The following CRY1 variants were observed in gnomAD, a reference collection of about 807,000 sequenced individuals.
The protein encoded by CRY1 is cryptochrome-1.
CRY1 carries 45 observed loss-of-function variants against 76.0 expected under a neutral mutation model. That is an observed-to-expected ratio of 0.59 (90% CI 0.47 to 0.76). The LOEUF (loss-of-function observed/expected upper bound fraction) is 0.76, where lower values mean the gene tolerates loss of function less well. Ranked by LOEUF, CRY1 falls within the 30% of genes least tolerant of loss-of-function variation. The pLI is 0.00. For synonymous variants in CRY1, 248 were observed against 244.0 expected (o/e 1.02, Z -0.15); for missense variants, 587 against 716.4 (o/e 0.82, Z 2.06).
intron 12 of CRY1, 194 bp from the exon 13 acceptor site, chr12:106,992,195 C>A (rs1286082230): frequency 6.6e-6 from 1 of 152,050 alleles, no homozygotes; most frequent in Non-Finnish European, 1.5e-5. Context: ...TAAAAACTGG[C>A]AAATCCAACG....
Position 107,092,983 on chromosome 12 carries a change from T to G in CRY1, c.-22A>C, listed in dbSNP as rs768586493. ...CCATGCCGGGGGGCGCGGCGGGTCC[T>G]CCACGGAGAAATTCAAGGAAGGAGG... On this transcript the variant is annotated 5_prime_UTR_variant, in exon 1 of 13. Coordinates refer to ENST00000008527, the MANE Select transcript of CRY1 (RefSeq NM_004075.5). 5.3e-6 allele frequency: 8 copies of G among 1,513,130 alleles called. No individual in the cohort carries two copies. In the East Asian group the frequency reaches 1.6e-4, roughly 31 times the overall value. The allele number at this position is 1,513,130 out of a possible 1,614,324, so 93.7% of individuals were successfully genotyped here.
chr12:106,999,904 T>A (rs781180225), intron 6 of CRY1, 38 bp downstream of exon 6: 65 of 1,587,240 alleles, frequency 4.1e-5, no homozygotes, highest in East Asian at 8.9e-5. Flanking sequence ...AATTTTTTTT[T>A]AAAGTATTAA....
At chr12:107,019,092 AG>A (rs147301393) in intron 2 of CRY1, among the ~76,000 whole-genome samples, 1,894 of 152,326 alleles carry the variant, frequency 0.012, 33 homozygotes, top group African/African-American at 0.043. Context: ...AAAAGACCTG[AG>A]ACACTAATTA....
intron 2 of CRY1, among the ~76,000 whole-genome samples, chr12:107,020,510 G>C (rs927516585): frequency 6.8e-6 from 1 of 147,984 alleles, no homozygotes; most frequent in African/African-American, 2.5e-5. Context: ...TAGTGAGTGA[G>C]TGCTTGCAAG....
chr12:107,093,057 G>T lies in CRY1; in HGVS notation c.-96C>A. On this transcript the variant is annotated 5_prime_UTR_variant, in exon 1 of 13. Coordinates refer to ENST00000008527, the MANE Select transcript of CRY1 (RefSeq NM_004075.5). ...CGCTTCCAAGAGAATTGCCTCACCCGGGGCGTGAGGAAAGGGCGGCAGAGG... is the reference window on the plus strand; with the variant it reads ...CGCTTCCAAGAGAATTGCCTCACCCTGGGCGTGAGGAAAGGGCGGCAGAGG... 7.3e-7 allele frequency: 1 copy of T among 1,371,830 alleles called. No homozygotes were observed. Among genetic ancestry groups the T allele is most frequent in the Non-Finnish European group, 9.5e-7 (1 of 1,047,482 alleles). 85.0% of individuals were successfully genotyped at this position (1,371,830 alleles called of 1,614,324 possible). A position where few individuals can be genotyped will look rare whatever the true frequency, so the allele number is the denominator to read the frequency against.
In CRY1 at chr12:107,088,393, C is replaced by G. The variant is rs74801342; in HGVS notation, c.158+4411G>C. Reference sequence around the variant, plus strand: ...AGAACCAGAGGCTGAAGCCATGCTTCTAGTAAAGCCTGCAAAACTATGAAC... The same window carrying G: ...AGAACCAGAGGCTGAAGCCATGCTTGTAGTAAAGCCTGCAAAACTATGAAC... On this transcript the variant is annotated intron_variant, in intron 1 of 12. Coordinates refer to ENST00000008527, the MANE Select transcript of CRY1 (RefSeq NM_004075.5). Among the ~76,000 whole-genome samples the G allele has an allele frequency of 4.7e-3, 711 of 152,316 alleles. 7 individuals are homozygous for G. The highest frequency in any genetic ancestry group is 0.016 in the African/African-American group (671 of 41,572).
intron 1 of CRY1, among the ~76,000 whole-genome samples, chr12:107,081,071 TGAAAA>T (rs2136899652): frequency 6.6e-6 from 1 of 152,220 alleles, no homozygotes; most frequent in Admixed American, 6.5e-5. Context: ...AAACTCGTTT[TGAAAA>T]GAGACAGCAG....
rs142197614 is a variant in CRY1 at position 107,083,021 on chromosome 12, TCCCTCAGAA to T, written c.158+9774_158+9782del. Reference sequence around the variant, plus strand: ...AATGATAAAGGGATATCACCACTGATCCCTCAGAAGTACAAACTACTATCAGAGAATACT... The same window carrying T: ...AATGATAAAGGGATATCACCACTGATGTACAAACTACTATCAGAGAATACT... On this transcript the variant is annotated intron_variant, in intron 1 of 12. Transcript: ENST00000008527. Among the ~76,000 whole-genome samples, 1,142 of 152,128 alleles carry T rather than the reference TCCCTCAGAA, an allele frequency of 7.5e-3. 17 individuals are homozygous for T. Among genetic ancestry groups the T allele is most frequent in the African/African-American group, 0.024 (1,013 of 41,504 alleles).
chr12:106,995,510 G>A (rs984555586), intron 10 of CRY1, among the ~76,000 whole-genome samples: 6 of 151,996 alleles, frequency 3.9e-5, no homozygotes, highest in Admixed American at 2.0e-4. Context: ...AGTACAAAGA[G>A]GTCCTGTTTC....
chr12:107,052,403 T>A (rs1384682165), intron 1 of CRY1, among the ~76,000 whole-genome samples: 1 of 152,184 alleles, frequency 6.6e-6, no homozygotes, highest in Non-Finnish European at 1.5e-5. Context: ...TACTAAAGAC[T>A]GTACTAGATA....
At chr12:107,014,404 A>G (rs548794979) in intron 2 of CRY1, among the ~76,000 whole-genome samples, 2 of 152,256 alleles carry the variant, frequency 1.3e-5, no homozygotes, top group East Asian at 1.9e-4. Context: ...TAGCCCAGGG[A>G]AAAAAAGCAC....
intron 2 of CRY1, among the ~76,000 whole-genome samples, chr12:107,019,074 C>T (rs546857422): frequency 6.6e-6 from 1 of 152,086 alleles, no homozygotes; most frequent in Non-Finnish European, 1.5e-5. Flanking sequence ...ACTTGCTGTA[C>T]TAGAACCAAA....
At chr12:107,050,747 CT>C (rs1404245517) in intron 1 of CRY1, among the ~76,000 whole-genome samples, 1 of 152,136 alleles carries the variant, frequency 6.6e-6, no homozygotes, top group Non-Finnish European at 1.5e-5. Flanking sequence ...AAGGACAGAC[CT>C]TTGTAAGATG....
intron 2 of CRY1, among the ~76,000 whole-genome samples, chr12:107,006,186 G>C (rs544805343): frequency 6.6e-6 from 1 of 152,136 alleles, no homozygotes; most frequent in African/African-American, 2.4e-5. Context: ...AGGAGTTCAA[G>C]ACCAGCCTGG....
At chr12:107,022,845 TA>T (rs11308588) in intron 1 of CRY1, among the ~76,000 whole-genome samples, 19,988 of 130,802 alleles carry the variant, frequency 0.15, 2,318 homozygotes, top group African/African-American at 0.33. Context: ...GATTAACTTC[TA>T]AAAAAAAAAA....
chr12:107,018,290 A>C (rs1952518329), intron 2 of CRY1, among the ~76,000 whole-genome samples: 1 of 152,210 alleles, frequency 6.6e-6, no homozygotes, highest in African/African-American at 2.4e-5. Context: ...TGTTTCTTAG[A>C]TATAATGAGG....
intron 1 of CRY1, among the ~76,000 whole-genome samples, chr12:107,065,807 A>G (rs1415664261): frequency 6.6e-6 from 1 of 152,220 alleles, no homozygotes; most frequent in Non-Finnish European, 1.5e-5. Flanking sequence ...TCATAAATGG[A>G]AGCAATTTCT....
chr12:107,005,643 C>A (rs1230109536), intron 2 of CRY1, among the ~76,000 whole-genome samples: 4 of 152,132 alleles, frequency 2.6e-5, no homozygotes, highest in Non-Finnish European at 4.4e-5. Context: ...AACTTAGGGA[C>A]CTGCCAGAGT....
chr12:107,075,234 G>A (rs1241973970), intron 1 of CRY1, among the ~76,000 whole-genome samples: 1 of 152,148 alleles, frequency 6.6e-6, no homozygotes, highest in Admixed American at 6.5e-5. Flanking sequence ...CTAGACATAT[G>A]AAGAGTCAGT....
Sources: gnomAD v4.1 joint callset for allele counts (sites outside exome capture counted in the v4.1 genomes callset) on GRCh38, gnomAD v4.1.1 for gene constraint, MANE v1.5 for transcripts, NCBI Gene and HGNC (gene_info 2026-07-23, HGNC 2026-07-21) for gene names.